AFF2: variants seen among roughly 807,000 people sequenced by gnomAD.
AFF2 encodes ALF transcription elongation factor 2.
A neutral mutation model predicts 76.9 loss-of-function variants in AFF2; 14 were observed. That is an observed-to-expected ratio of 0.18 (90% confidence interval 0.12 to 0.28). AFF2 has a LOEUF of 0.28. Ranked by LOEUF, AFF2 falls within the 10% of genes least tolerant of loss-of-function variation. The probability of loss-of-function intolerance (pLI) is 1.00; values close to 1 mark genes in which losing one functional copy is unlikely to be tolerated. For missense variants in AFF2, 868 were observed against 1,001.1 expected, an observed-to-expected ratio of 0.87 and a Z score of 1.79; for synonymous variants, 398 against 366.7, an observed-to-expected ratio of 1.09 and a Z score of -0.98.
intron 8 of AFF2, among the ~76,000 whole-genome samples, chrX:148,898,223 G>A (rs1180190431): frequency 9.0e-6 from 1 of 111,712 alleles, no homozygotes; most frequent in Admixed American, 9.5e-5. Flanking sequence ...GCACATGCAG[G>A]TACAAGTAGT....
In AFF2 at chrX:148,532,077, G is replaced by GT. The variant is rs376242402; in HGVS notation, c.47+30934dup. 4.3e-3 allele frequency among the ~76,000 whole-genome samples: 472 copies of GT among 110,956 alleles called. 4 individuals carry two copies. Among genetic ancestry groups the GT allele is most frequent in the Middle Eastern group, 0.014 (3 of 213 alleles). On this transcript the variant is annotated intron_variant, in intron 1 of 20. Coordinates refer to ENST00000370460, the MANE Select transcript of AFF2 (RefSeq NM_002025.4). ...AGACAGAACATACAAATTGATATTT[G>GT]TATGTTTTCTTGATTCCCATTTTGT...
At chrX:148,569,444 A>AAAAAC (rs1409443171) in intron 1 of AFF2, among the ~76,000 whole-genome samples, 1 of 111,462 alleles carries the variant, frequency 9.0e-6, no homozygotes, top group African/African-American at 3.3e-5. Context: ...AACATCTCTA[A>AAAAAC]AAAACAAAAC....
At chrX:148,624,547 T>A (rs2053903152) in intron 1 of AFF2, among the ~76,000 whole-genome samples, 1 of 112,433 alleles carries the variant, frequency 8.9e-6, no homozygotes, top group African/African-American at 3.2e-5. Context: ...TAGATATACT[T>A]CTTATTGAAC....
At chrX:148,903,989 T>A (rs2071382732) in intron 8 of AFF2, among the ~76,000 whole-genome samples, 1 of 111,545 alleles carries the variant, frequency 9.0e-6, no homozygotes, top group South Asian at 3.8e-4. Context: ...CCTCACAATA[T>A]CCACCTCACA....
At chrX:148,572,653 A>G (rs2053241987) in intron 1 of AFF2, among the ~76,000 whole-genome samples, 1 of 111,986 alleles carries the variant, frequency 8.9e-6, no homozygotes, top group African/African-American at 3.2e-5. Flanking sequence ...ATGCTAAGTG[A>G]AAGAAAAAAC....
chrX:148,752,887 G>A (rs2055518603), intron 3 of AFF2, among the ~76,000 whole-genome samples: 1 of 111,791 alleles, frequency 8.9e-6, no homozygotes, highest in African/African-American at 3.3e-5. Context: ...ATTGAGCAAA[G>A]GGTTCTTAGA....
At chrX:148,690,285 A>C (rs1301045237) in intron 3 of AFF2, among the ~76,000 whole-genome samples, 1 of 112,521 alleles carries the variant, frequency 8.9e-6, no homozygotes. Context: ...ATTTTATGCC[A>C]AGTCAAGGAT....
rs193922937 is a variant in AFF2 at position 148,500,637 on chromosome X, TGCCGCC to T, written c.-419_-414del. 816 of 73,737 alleles carry T rather than the reference TGCCGCC, an allele frequency of 0.011. 6 individuals are homozygous for T. The highest frequency in any genetic ancestry group is 0.017 in the East Asian group (34 of 1,993). 6.1% of individuals were successfully genotyped at this position (73,737 alleles called of 1,213,427 possible). A position where few individuals can be genotyped will look rare whatever the true frequency, so the allele number is the denominator to read the frequency against. On this transcript the variant is annotated 5_prime_UTR_variant, in exon 1 of 21. Transcript: ENST00000370460. ...CCGCCGCCGCCGCCTGTGCAGCCGC[TGCCGCC>T]GCCGCCGCCGCCGCCGCCGCCGCCG...
intron 3 of AFF2, among the ~76,000 whole-genome samples, chrX:148,794,729 A>G (rs2069944200): frequency 9.0e-6 from 1 of 111,603 alleles, no homozygotes; most frequent in Non-Finnish European, 1.9e-5. Context: ...AACATTATTT[A>G]CCATATAACA....
At chrX:148,643,668 G>C (rs2054112954) in intron 1 of AFF2, among the ~76,000 whole-genome samples, 1 of 111,923 alleles carries the variant, frequency 8.9e-6, no homozygotes, top group Non-Finnish European at 1.9e-5. Flanking sequence ...TAGGGTATGT[G>C]CATATGGAAG....
rs185073083 is a variant in AFF2 at position 148,946,328 on chromosome X, G to C, written c.1398-7252G>C. 8.0e-5 allele frequency among the ~76,000 whole-genome samples: 9 copies of C among 112,270 alleles called. No individual in the cohort carries two copies. The East Asian group carries it at 2.5e-3, about 31-fold the overall frequency. The stretch of plus-strand genomic sequence containing the variant: ...CATCAAGGTTCCCTTCCCAGGGTGG[G>C]CTTATATGTTTGGACTTCTCTGAAG... On this transcript the variant is annotated intron_variant, in intron 9 of 20. Transcript: ENST00000370460.
At chrX:148,807,866 T>C (rs1416754109) in intron 3 of AFF2, among the ~76,000 whole-genome samples, 2 of 112,485 alleles carry the variant, frequency 1.8e-5, no homozygotes, top group Non-Finnish European at 3.8e-5. Flanking sequence ...GAATTACCAG[T>C]TTAGTTGTAT....
chrX:148,789,209 A>G (rs782099882), intron 3 of AFF2, among the ~76,000 whole-genome samples: 3 of 112,298 alleles, frequency 2.7e-5, no homozygotes, highest in Non-Finnish European at 5.6e-5. Flanking sequence ...CCCATGCCTT[A>G]TCTCAGCTAA....
At chrX:148,890,651 A>G (rs1488096786) in intron 8 of AFF2, among the ~76,000 whole-genome samples, 1 of 112,290 alleles carries the variant, frequency 8.9e-6, no homozygotes, top group Non-Finnish European at 1.9e-5. Context: ...ATCTGCACCA[A>G]GTCCTCCAGG....
At chrX:148,513,811 C>T (rs1257479137) in intron 1 of AFF2, among the ~76,000 whole-genome samples, 2 of 110,863 alleles carry the variant, frequency 1.8e-5, no homozygotes, top group African/African-American at 6.6e-5. Context: ...CTGGCACATT[C>T]CTGTTGGTAA....
chrX:148,773,713 A>AGAAAGAAAGAAAGAAAGAAAGAAAGAAG, intron 3 of AFF2, among the ~76,000 whole-genome samples: 1 of 99,418 alleles, frequency 1.0e-5, no homozygotes, highest in Non-Finnish European at 2.0e-5. Context: ...AAAGAAAGAA[A>AGAAAGAAAGAAAGAAAGAAAGAAAGAAG]GAAAGAAAGA....
chrX:148,904,239 C>T lies in AFF2; in HGVS notation c.1378C>T (p.Pro460Ser), dbSNP rs1394985414. The change falls in exon 9 of 21, where the codon CCT becomes TCT. Residue 460 changes from proline to serine, a missense_variant. By Grantham distance (74) the Pro-to-Ser change is moderately conservative. Around this residue, in one of 6 missense-constraint regions of AFF2, gnomAD observed 532 missense variants for 564.2 expected, o/e 0.94. Coordinates refer to ENST00000370460, the MANE Select transcript of AFF2 (RefSeq NM_002025.4). Reference sequence around the variant, plus strand: ...TTTACAGGCTGTTGAAAAGGCAAAACCTAGGAATAATCCTGTGAAGTAAGT... The same window carrying T: ...TTTACAGGCTGTTGAAAAGGCAAAATCTAGGAATAATCCTGTGAAGTAAGT... ...ELYQAVEKAK[P>S]RNNPVNPPLA... The T allele has an allele frequency of 4.4e-6, 5 of 1,144,001 alleles. No homozygotes were observed. Among genetic ancestry groups the T allele is most frequent in the Non-Finnish European group, 6.0e-6 (5 of 838,506 alleles). The allele number at this position is 1,144,001 out of a possible 1,213,427, so 94.3% of individuals were successfully genotyped here.
intron 3 of AFF2, among the ~76,000 whole-genome samples, chrX:148,762,205 C>G (rs1188231512): frequency 1.8e-5 from 2 of 109,343 alleles, no homozygotes; most frequent in Non-Finnish European, 3.8e-5. Flanking sequence ...CTCTCCTACC[C>G]TTTCCCCTGA....
intron 3 of AFF2, among the ~76,000 whole-genome samples, chrX:148,783,651 A>C (rs1557269260): frequency 9.0e-6 from 1 of 111,508 alleles, no homozygotes; most frequent in Admixed American, 9.5e-5. Context: ...GAACTTAATA[A>C]CCATCCCAAG....
Sources: allele counts gnomAD v4.1 joint callset (sites outside exome capture counted in the v4.1 genomes callset), GRCh38; gene constraint gnomAD v4.1.1; regional missense constraint gnomAD v4.1.1; transcripts MANE v1.5; gene names NCBI Gene and HGNC (gene_info 2026-07-23, HGNC 2026-07-21).